MAPRE2: variants seen among roughly 807,000 people sequenced by gnomAD.
MAPRE2 encodes the protein microtubule-associated protein RP/EB family member 2.
MAPRE2 carries 13 observed loss-of-function variants against 43.2 expected under a neutral mutation model. The observed-to-expected ratio is 0.30, with a 90% CI of 0.20 to 0.48. The LOEUF (loss-of-function observed/expected upper bound fraction) is 0.48. MAPRE2 is among the 20% of genes least tolerant of loss of function. The probability of loss-of-function intolerance (pLI) is 0.99; values close to 1 mark genes in which losing one functional copy is unlikely to be tolerated. For missense variants in MAPRE2, 161 were observed against 400.2 expected (o/e 0.40, Z 5.10); for synonymous variants, 135 against 148.8 (o/e 0.91, Z 0.68).
chr18:34,981,885 TTA>T (rs1491477601), intron 1 of MAPRE2, among the ~76,000 whole-genome samples: 907 of 37,566 alleles, frequency 0.024, 11 homozygotes, highest in East Asian at 0.047. Flanking sequence ...TTATTTTTAT[TTA>T]TTTTTTTTTT....
At chr18:35,079,952 A>G (rs1603398709) in intron 2 of MAPRE2, among the ~76,000 whole-genome samples, 1 of 152,376 alleles carries the variant, frequency 6.6e-6, no homozygotes, top group African/African-American at 2.4e-5. Context: ...TTAAAATTCA[A>G]GGCAGCGAAA....
chr18:35,048,621 A>G (rs1215994015), intron 1 of MAPRE2, among the ~76,000 whole-genome samples: 1 of 149,228 alleles, frequency 6.7e-6, no homozygotes, highest in African/African-American at 2.4e-5. Context: ...TAGTATTTAT[A>G]GTATTAACAC....
At chr18:35,062,326 G>A (rs1422381293) in intron 1 of MAPRE2, among the ~76,000 whole-genome samples, 1 of 152,190 alleles carries the variant, frequency 6.6e-6, no homozygotes, top group Non-Finnish European at 1.5e-5. Context: ...TTAGAAAGAT[G>A]CCACTTCTAA....
chr18:35,001,658 G>A (rs1338409122), intron 1 of MAPRE2, among the ~76,000 whole-genome samples: 2 of 152,108 alleles, frequency 1.3e-5, no homozygotes, highest in Admixed American at 6.6e-5. Flanking sequence ...TTCCAACATA[G>A]GCAACATTGG....
chr18:35,133,853 A>G (rs902042918), intron 6 of MAPRE2, among the ~76,000 whole-genome samples: 7 of 152,164 alleles, frequency 4.6e-5, no homozygotes, highest in African/African-American at 1.7e-4. Context: ...GGGTCTACCT[A>G]GATGACCGCA....
rs76865255 is a variant in MAPRE2 at position 35,099,155 on chromosome 18, A to G, written c.396+1564A>G. On this transcript the variant is annotated intron_variant, in intron 3 of 6. Transcript: ENST00000300249. ...TAATGTACCACCAGTGTCTAAAACTATTTATAAATGTTCATGTCTGGCAAT... is the reference window on the plus strand; with the variant it reads ...TAATGTACCACCAGTGTCTAAAACTGTTTATAAATGTTCATGTCTGGCAAT... Among the ~76,000 whole-genome samples the G allele has an allele frequency of 5.8e-3, 878 of 152,342 alleles. 7 individuals carry two copies. The highest frequency in any genetic ancestry group is 0.02 in the African/African-American group (845 of 41,570).
chr18:35,105,569 A>G (rs901644270), intron 4 of MAPRE2, among the ~76,000 whole-genome samples: 18 of 152,150 alleles, frequency 1.2e-4, no homozygotes, highest in African/African-American at 4.3e-4. Context: ...ATGTCTTCCA[A>G]GAGTCAGAAT....
At position 35,001,521 on chromosome 18, in the gene MAPRE2, A is replaced by C. The variant is rs1206752718; in HGVS notation, c.-69-3971A>C. Among the ~76,000 whole-genome samples the C allele has an allele frequency of 3.9e-5, 6 of 152,294 alleles. No homozygotes were observed. The South Asian group carries it at 6.2e-4, about 16-fold the overall frequency. ...AGAGCAAGACTTTGTCTCAAAAAAA[A>C]AAAAAAAAAGATACGTGATGTATCA... On this transcript the variant is annotated intron_variant, in intron 1 of 7. Transcript: ENST00000413393.
chr18:35,055,249 C>T (rs1382847138), intron 1 of MAPRE2, among the ~76,000 whole-genome samples: 1 of 152,180 alleles, frequency 6.6e-6, no homozygotes, highest in East Asian at 1.9e-4. Flanking sequence ...ATGCTCCCTC[C>T]AACAGCTCTG....
At chr18:34,981,856 C>CTTTA (rs1354674595) in intron 1 of MAPRE2, among the ~76,000 whole-genome samples, 3 of 125,588 alleles carry the variant, frequency 2.4e-5, no homozygotes, top group Admixed American at 1.7e-4. Flanking sequence ...GTCTCAGCGA[C>CTTTA]TTTATTTATT....
intron 2 of MAPRE2, among the ~76,000 whole-genome samples, chr18:35,092,400 G>A (rs1908194788): frequency 1.3e-5 from 2 of 152,166 alleles, no homozygotes; most frequent in Admixed American, 1.3e-4. Context: ...AAGAAATCTG[G>A]CTATCCATGT....
chr18:35,125,275 G>C (rs1909858561), intron 4 of MAPRE2, among the ~76,000 whole-genome samples: 3 of 152,184 alleles, frequency 2.0e-5, no homozygotes, highest in Non-Finnish European at 4.4e-5. Context: ...TAGGATGTTG[G>C]TTGAAACTTG....
intron 2 of MAPRE2, 105 bp from the exon 3 acceptor site, chr18:35,097,341 A>G: frequency 1.0e-6 from 1 of 979,878 alleles, no homozygotes; most frequent in Non-Finnish European, 1.6e-6. Flanking sequence ...CTCTGCTCTG[A>G]GTGATGATGG....
intron 1 of MAPRE2, among the ~76,000 whole-genome samples, chr18:35,063,392 C>T (rs917578748): frequency 8.6e-5 from 13 of 151,910 alleles, no homozygotes; most frequent in Admixed American, 5.2e-4. Context: ...CAGGCGTGAG[C>T]CACTGCGCCC....
At chr18:35,085,676 A>C (rs1907841780) in intron 2 of MAPRE2, among the ~76,000 whole-genome samples, 1 of 152,226 alleles carries the variant, frequency 6.6e-6, no homozygotes, top group Non-Finnish European at 1.5e-5. Context: ...GATGAGCATC[A>C]TTGTCTCCTA....
At chr18:34,997,053 G>A (rs1941751) in intron 1 of MAPRE2, among the ~76,000 whole-genome samples, 45,735 of 151,948 alleles carry the variant, frequency 0.3, 6,941 homozygotes, top group Middle Eastern at 0.36. Context: ...AAAAAGGGGG[G>A]TGGGAGGTTT....
upstream of MAPRE2, among the ~76,000 whole-genome samples, chr18:35,040,532 T>C (rs1282278719): frequency 3.9e-5 from 6 of 152,238 alleles, no homozygotes; most frequent in East Asian, 1.2e-3. Flanking sequence ...GGAATAATAA[T>C]AGTATCTGTC....
chr18:35,126,858 G>A, intron 4 of MAPRE2, 90 bp from the exon 5 acceptor site: 3 of 1,131,870 alleles, frequency 2.7e-6, no homozygotes, highest in Non-Finnish European at 3.9e-6. Context: ...ATATGTTGTT[G>A]TAAGCTCTTT....
At chr18:35,049,365 T>A (rs1905815983) in intron 1 of MAPRE2, among the ~76,000 whole-genome samples, 1 of 152,164 alleles carries the variant, frequency 6.6e-6, no homozygotes, top group African/African-American at 2.4e-5. Flanking sequence ...TGCCAGAAAG[T>A]GTTTTCAGGT....
Sources: gnomAD v4.1 joint callset for allele counts (sites outside exome capture counted in the v4.1 genomes callset) on GRCh38, gnomAD v4.1.1 for gene constraint, MANE v1.5 for transcripts, NCBI Gene and HGNC (gene_info 2026-07-23, HGNC 2026-07-21) for gene names.